LRRC63: variants seen among roughly 807,000 people sequenced by gnomAD.
The protein encoded by LRRC63 is leucine-rich repeat-containing protein 63.
LRRC63 carries 40 observed loss-of-function variants against 49.5 expected under a neutral mutation model. The observed-to-expected ratio is 0.81, with a 90% CI of 0.63 to 1.05. LRRC63 has a LOEUF of 1.05. LRRC63 is among the 50% of genes least tolerant of loss of function. The pLI, the probability that LRRC63 is intolerant of heterozygous loss-of-function variation, is 0.00. For missense variants in LRRC63, 636 were observed against 663.1 expected, an observed-to-expected ratio of 0.96 and a Z score of 0.45; for synonymous variants, 191 against 221.1, an observed-to-expected ratio of 0.86 and a Z score of 1.21.
exon 10 of LRRC63, chr13:46,276,827 T>TATATATATAA: frequency 6.7e-6 from 1 of 148,254 alleles, no homozygotes; most frequent in Non-Finnish European, 1.1e-5. Flanking sequence ...CGTATGTGTG[T>TATATATATAA]GTATATATAT....
At chr13:46,224,792 A>G (rs2046520786) in intron 2 of LRRC63, among the ~76,000 whole-genome samples, 1 of 152,180 alleles carries the variant, frequency 6.6e-6, no homozygotes. Flanking sequence ...GATTCTGAGT[A>G]CATGTAGTAG....
chr13:46,234,106 A>G, intron 4 of LRRC63, 86 bp from the exon 5 acceptor site: 1 of 1,272,346 alleles, frequency 7.9e-7, no homozygotes, highest in Non-Finnish European at 1.1e-6. Flanking sequence ...GTAACTCAAT[A>G]TTATCATAAG....
chr13:46,270,496 A>T, intron 9 of LRRC63: 2 of 782,672 alleles, frequency 2.6e-6, no homozygotes, highest in Non-Finnish European at 4.7e-6. Context: ...CCATCACTGA[A>T]GGCTACATTG....
chr13:46,212,368 G>A (rs2046116517), intron 1 of LRRC63, 109 bp downstream of exon 1: 1 of 152,298 alleles, frequency 6.6e-6, no homozygotes. Flanking sequence ...AGCACATTTT[G>A]GGGGTGCATC....
chr13:46,230,760 G>C (rs2046729874), intron 4 of LRRC63, among the ~76,000 whole-genome samples: 1 of 152,200 alleles, frequency 6.6e-6, no homozygotes, highest in African/African-American at 2.4e-5. Context: ...TGTATGGCCA[G>C]GCTGCAAATT....
intron 4 of LRRC63, among the ~76,000 whole-genome samples, chr13:46,231,152 GTCT>G (rs1250002918): frequency 6.6e-6 from 1 of 152,124 alleles, no homozygotes; most frequent in Non-Finnish European, 1.5e-5. Flanking sequence ...TCATCATCCT[GTCT>G]TCTTCTGAGC....
intron 7 of LRRC63, among the ~76,000 whole-genome samples, chr13:46,251,320 A>G (rs945429636): frequency 6.6e-6 from 1 of 151,902 alleles, no homozygotes; most frequent in Admixed American, 6.6e-5. Flanking sequence ...AATTATATTA[A>G]AAAATTATAC....
In LRRC63 at chr13:46,246,641, T is replaced by C. The variant is rs1451706223; in HGVS notation, c.1089+16T>C. ...TCCCACAGAAGTGAGTCAACTTTTATTGTTATGTACTGATATAACTTGTCG... is the reference window on the plus strand; with the variant it reads ...TCCCACAGAAGTGAGTCAACTTTTACTGTTATGTACTGATATAACTTGTCG... On this transcript the variant is annotated intron_variant, in intron 6 of 9. Coordinates refer to ENST00000595396, the Ensembl canonical transcript of LRRC63. 2.4e-6 allele frequency: 3 copies of C among 1,244,786 alleles called. No homozygotes were observed. The African/African-American group carries it at 4.7e-5, about 19-fold the overall frequency. 77.1% of individuals were successfully genotyped at this position (1,244,786 alleles called of 1,614,324 possible). A position where few individuals can be genotyped will look rare whatever the true frequency, so the allele number is the denominator to read the frequency against.
chr13:46,214,078 C>T (rs964117549), intron 2 of LRRC63, among the ~76,000 whole-genome samples: 4 of 112,088 alleles, frequency 3.6e-5, no homozygotes, highest in Non-Finnish European at 1.7e-5. Context: ...TCCTCTATTT[C>T]TGTTGTATGG....
chr13:46,269,906 C>CATATATGTAT, intron 9 of LRRC63, among the ~76,000 whole-genome samples: 1 of 145,630 alleles, frequency 6.9e-6, no homozygotes, highest in East Asian at 2.0e-4. Flanking sequence ...ACACTATATA[C>CATATATGTAT]ATATATATAT....
chr13:46,250,803 G>A (rs978120676), intron 7 of LRRC63, among the ~76,000 whole-genome samples: 6 of 151,868 alleles, frequency 4.0e-5, no homozygotes, highest in Non-Finnish European at 7.4e-5. Context: ...TTTTGGATAT[G>A]GAAAGAGCAC....
intron 7 of LRRC63, among the ~76,000 whole-genome samples, chr13:46,257,036 A>C (rs75073913): frequency 0.015 from 2,232 of 152,296 alleles, 65 homozygotes; most frequent in African/African-American, 0.051. Flanking sequence ...GAGTGGTCCC[A>C]ATCAAATCAC....
At chr13:46,230,174 A>G (rs2046704717) in intron 4 of LRRC63, among the ~76,000 whole-genome samples, 1 of 152,182 alleles carries the variant, frequency 6.6e-6, no homozygotes, top group South Asian at 2.1e-4. Flanking sequence ...CTGGCCCCTC[A>G]AATATCATGT....
At chr13:46,247,014 T>C (rs2047232543) in intron 6 of LRRC63, among the ~76,000 whole-genome samples, 2 of 152,174 alleles carry the variant, frequency 1.3e-5, no homozygotes, top group African/African-American at 4.8e-5. Context: ...AAATATAATA[T>C]TCTGCTTAAT....
rs577872294 is a variant in LRRC63, at chr13:46,215,248, A to G, written c.85+2129A>G. ...CCACCAACAGTGTAAAAGTGTTCCT[A>G]TTTCTCCACAGCCTTGCCAGCATCT... On this transcript the variant is annotated intron_variant, in intron 2 of 9. Transcript: ENST00000595396. 1.2e-4 allele frequency among the ~76,000 whole-genome samples: 18 copies of G among 152,274 alleles called. No homozygotes were observed. The East Asian group carries it at 2.5e-3, about 21-fold the overall frequency.
At chr13:46,217,626 A>T (rs1166548486) in intron 2 of LRRC63, among the ~76,000 whole-genome samples, 2 of 151,910 alleles carry the variant, frequency 1.3e-5, no homozygotes, top group Non-Finnish European at 2.9e-5. Flanking sequence ...CTCTGATCTT[A>T]GTTATTTCTT....
chr13:46,242,135 T>C (rs1439984035), intron 5 of LRRC63, among the ~76,000 whole-genome samples: 3 of 152,198 alleles, frequency 2.0e-5, no homozygotes, highest in Non-Finnish European at 4.4e-5. Context: ...TATGCTGCCA[T>C]TAAAAAGAAC....
At chr13:46,216,550 A>T (rs956371310) in intron 2 of LRRC63, among the ~76,000 whole-genome samples, 2 of 152,200 alleles carry the variant, frequency 1.3e-5, no homozygotes, top group African/African-American at 2.4e-5. Context: ...AAATACAATA[A>T]TGTCATCTGC....
At chr13:46,222,212 AT>A (rs1027457840) in intron 2 of LRRC63, among the ~76,000 whole-genome samples, 67 of 147,996 alleles carry the variant, frequency 4.5e-4, no homozygotes, top group Admixed American at 2.2e-3. Flanking sequence ...TTCTAAGGGG[AT>A]TTTTTTTTTC....
Sources: gnomAD v4.1 joint callset for allele counts (sites outside exome capture counted in the v4.1 genomes callset) on GRCh38, gnomAD v4.1.1 for gene constraint, MANE v1.5 for transcripts, NCBI Gene and HGNC (gene_info 2026-07-23, HGNC 2026-07-21) for gene names.